The following SDK1 variants were observed in gnomAD, a reference collection of about 807,000 sequenced individuals.
SDK1 encodes sidekick cell adhesion molecule 1, also known as protein sidekick-1.
SDK1 carries 157 observed loss-of-function variants against 245.5 expected under a neutral mutation model. The observed-to-expected ratio is 0.64, with a 90% CI of 0.56 to 0.73. The LOEUF (loss-of-function observed/expected upper bound fraction) is 0.73. Among genes scored for constraint, SDK1 ranks in the 30% least tolerant of loss-of-function variants. The pLI is 0.00. For synonymous variants in SDK1, 1,647 were observed against 1,278.5 expected, an observed-to-expected ratio of 1.29 and a Z score of -6.15; for missense variants, 3,583 against 3,002.3, an observed-to-expected ratio of 1.19 and a Z score of -4.52.
chr7:3,870,897 G>GT (rs1237052089), intron 5 of SDK1, among the ~76,000 whole-genome samples: 2 of 152,092 alleles, frequency 1.3e-5, no homozygotes. Flanking sequence ...TCCCTTCCTT[G>GT]TTTTTTATGA....
chr7:3,465,856 A>G (rs1025640903), intron 1 of SDK1, among the ~76,000 whole-genome samples: 39 of 152,188 alleles, frequency 2.6e-4, no homozygotes, highest in African/African-American at 7.2e-4. Context: ...CCAAGCAGCC[A>G]TAGGGACGTG....
At chr7:3,307,771 C>T (rs1311224451) in intron 1 of SDK1, among the ~76,000 whole-genome samples, 1 of 152,138 alleles carries the variant, frequency 6.6e-6, no homozygotes. Context: ...TCTGTAACTA[C>T]TGTGCAATAT....
rs1247416370 is a variant in SDK1 at position 3,869,525 on chromosome 7, C to T, written c.847+47942C>T. On this transcript the variant is annotated intron_variant, in intron 5 of 44. Transcript: ENST00000404826. ...AGAGGGAAGCAGGATAGCTGGGCTTCGGGGTCAGCTCCAGGCTTCCTGCAG... is the reference window on the plus strand; with the variant it reads ...AGAGGGAAGCAGGATAGCTGGGCTTTGGGGTCAGCTCCAGGCTTCCTGCAG... Among the ~76,000 whole-genome samples the T allele has an allele frequency of 2.6e-5, 4 of 152,148 alleles. No individual in the cohort carries two copies. The South Asian group carries it at 6.2e-4, about 24-fold the overall frequency.
chr7:4,177,259 C>T (rs539041208), intron 34 of SDK1, among the ~76,000 whole-genome samples: 6 of 152,334 alleles, frequency 3.9e-5, no homozygotes, highest in South Asian at 4.1e-4. Flanking sequence ...GGCCCAAGCA[C>T]ACCACCATCC....
intron 17 of SDK1, among the ~76,000 whole-genome samples, chr7:4,025,999 C>T (rs984117923): frequency 1.3e-5 from 2 of 152,156 alleles, no homozygotes; most frequent in African/African-American, 2.4e-5. Flanking sequence ...ATGCTGAATC[C>T]GGGACTGCAG....
At chr7:3,422,883 T>C (rs1461973793) in intron 1 of SDK1, among the ~76,000 whole-genome samples, 1 of 152,222 alleles carries the variant, frequency 6.6e-6, no homozygotes, top group East Asian at 1.9e-4. Flanking sequence ...ATTTATTGAA[T>C]GTTGCAAGGC....
At chr7:3,450,617 C>A (rs964495890) in intron 1 of SDK1, among the ~76,000 whole-genome samples, 5 of 152,112 alleles carry the variant, frequency 3.3e-5, no homozygotes, top group African/African-American at 1.2e-4. Flanking sequence ...CTAGTGAGTT[C>A]TGTTTTAGAC....
At chr7:3,718,576 TAAATAAATAA>T (rs1785272847) in intron 4 of SDK1, among the ~76,000 whole-genome samples, 1 of 98,132 alleles carries the variant, frequency 1.0e-5, no homozygotes, top group East Asian at 2.6e-4. Flanking sequence ...AATAAATAAA[TAAATAAATAA>T]ATATCTAACA....
At chr7:3,499,249 A>G (rs376319918) in intron 1 of SDK1, among the ~76,000 whole-genome samples, 1 of 152,206 alleles carries the variant, frequency 6.6e-6, no homozygotes, top group East Asian at 1.9e-4. Flanking sequence ...ATTTAATTCA[A>G]CAATCATTTG....
intron 1 of SDK1, among the ~76,000 whole-genome samples, chr7:3,362,581 G>A (rs34834420): frequency 4.6e-5 from 7 of 151,794 alleles, no homozygotes; most frequent in African/African-American, 1.2e-4. Context: ...GCATAATTGC[G>A]TTTTTCTTTT....
chr7:3,582,346 C>G lies in SDK1; in HGVS notation c.299-36734C>G, dbSNP rs1780529055. On this transcript the variant is annotated intron_variant, in intron 1 of 44. Transcript: ENST00000404826. The stretch of plus-strand genomic sequence containing the variant: ...TCAGGTAGGTCTGTCTCAGGTAGGT[C>G]TCCCTCAGGTAGGTCTGTCTCAGGT... 2.0e-5 allele frequency among the ~76,000 whole-genome samples: 3 copies of G among 148,884 alleles called. 1 individual carries two copies. The South Asian group carries it at 6.4e-4, about 32-fold the overall frequency.
chr7:3,636,666 G>C (rs1326913487), intron 2 of SDK1, among the ~76,000 whole-genome samples: 3 of 152,204 alleles, frequency 2.0e-5, no homozygotes, highest in African/African-American at 7.2e-5. Flanking sequence ...CAGTAGACGT[G>C]GGAGGGCAGA....
At chr7:4,252,601 A>G (rs1239597523) in intron 44 of SDK1, among the ~76,000 whole-genome samples, 1 of 152,152 alleles carries the variant, frequency 6.6e-6, no homozygotes, top group East Asian at 1.9e-4. Context: ...TATAAGGGAT[A>G]TAGGTCTGTA....
At chr7:3,985,355 A>G (rs1483846666) in intron 13 of SDK1, among the ~76,000 whole-genome samples, 1 of 152,222 alleles carries the variant, frequency 6.6e-6, no homozygotes, top group African/African-American at 2.4e-5. Context: ...GACTTTTTCA[A>G]CAACTTTGGT....
At chr7:4,154,557 G>A (rs143553003) in intron 30 of SDK1, among the ~76,000 whole-genome samples, 44 of 152,260 alleles carry the variant, frequency 2.9e-4, no homozygotes, top group African/African-American at 1.0e-3. Flanking sequence ...GGGGGAGCCA[G>A]AGAAAGCTTT....
chr7:3,682,173 T>G (rs1239556853), intron 4 of SDK1, among the ~76,000 whole-genome samples: 1 of 152,220 alleles, frequency 6.6e-6, no homozygotes, highest in African/African-American at 2.4e-5. Flanking sequence ...TCTACCACTC[T>G]GTGAGATGAT....
intron 1 of SDK1, among the ~76,000 whole-genome samples, chr7:3,567,434 TCTTA>T (rs1779960348): frequency 1.3e-5 from 2 of 152,342 alleles, no homozygotes; most frequent in South Asian, 4.1e-4. Context: ...CAAAGGCTCA[TCTTA>T]CTTTGAATAT....
At chr7:3,770,927 C>G (rs541531147) in intron 4 of SDK1, among the ~76,000 whole-genome samples, 1 of 152,248 alleles carries the variant, frequency 6.6e-6, no homozygotes, top group African/African-American at 2.4e-5. Flanking sequence ...CATCTTCCTC[C>G]AGTCCTGGGG....
intron 17 of SDK1, among the ~76,000 whole-genome samples, chr7:4,025,790 G>A (rs115898308): frequency 0.016 from 2,431 of 152,308 alleles, 63 homozygotes; most frequent in African/African-American, 0.056. Context: ...ACCATAGCCT[G>A]CCTTCTGCCC....
Sources: gnomAD v4.1 joint callset for allele counts (sites outside exome capture counted in the v4.1 genomes callset) on GRCh38, gnomAD v4.1.1 for gene constraint, MANE v1.5 for transcripts, NCBI Gene and HGNC (gene_info 2026-07-23, HGNC 2026-07-21) for gene names.